EML1: variants seen among roughly 807,000 people sequenced by gnomAD.
The protein encoded by EML1 is EMAP like 1.
EML1 carries 27 observed loss-of-function variants against 110.4 expected under a neutral mutation model. That is an observed-to-expected ratio of 0.24 (90% CI 0.18 to 0.34). The LOEUF (loss-of-function observed/expected upper bound fraction) is 0.34. EML1 is among the 10% of genes least tolerant of loss of function. EML1 has a pLI of 1.00. For missense variants in EML1, 741 were observed against 1,030.9 expected, an observed-to-expected ratio of 0.72 and a Z score of 3.85; for synonymous variants, 344 against 385.8, an observed-to-expected ratio of 0.89 and a Z score of 1.27.
At chr14:99,917,531 G>A (rs1485923685) in intron 15 of EML1, among the ~76,000 whole-genome samples, 4 of 152,146 alleles carry the variant, frequency 2.6e-5, no homozygotes, top group South Asian at 4.2e-4. Context: ...TTGTACTCCA[G>A]CCTGTGCAAT....
chr14:99,855,245 C>T (rs759346007), intron 2 of EML1, among the ~76,000 whole-genome samples: 9 of 152,128 alleles, frequency 5.9e-5, no homozygotes, highest in Non-Finnish European at 1.2e-4. Flanking sequence ...AAGTAATTCA[C>T]GGGTTTTTTC....
intron 1 of EML1, among the ~76,000 whole-genome samples, chr14:99,759,036 C>T (rs2057287005): frequency 6.6e-6 from 1 of 152,190 alleles, no homozygotes; most frequent in South Asian, 2.1e-4. Flanking sequence ...TTACGGAGGC[C>T]CCAGCAGTTG....
intron 1 of EML1, among the ~76,000 whole-genome samples, chr14:99,785,120 T>C (rs2057584467): frequency 6.6e-6 from 1 of 152,286 alleles, no homozygotes; most frequent in East Asian, 1.9e-4. Flanking sequence ...AATGGCATGA[T>C]CTCGGCTCAC....
intron 9 of EML1, 48 bp downstream of exon 9, chr14:99,901,087 G>A: frequency 6.6e-7 from 1 of 1,523,102 alleles, no homozygotes; most frequent in South Asian, 1.1e-5. Context: ...ACAGGAAGTA[G>A]AGAATCAACT....
chr14:99,848,533 A>G (rs1240681732), intron 1 of EML1, among the ~76,000 whole-genome samples: 3 of 152,290 alleles, frequency 2.0e-5, no homozygotes, highest in South Asian at 2.1e-4. Context: ...AATGACATAT[A>G]CTTCATATAA....
chr14:99,740,775 CA>C (rs1405648012), intron 1 of EML1, among the ~76,000 whole-genome samples: 1 of 152,194 alleles, frequency 6.6e-6, no homozygotes, highest in East Asian at 1.9e-4. Flanking sequence ...GGGGGTTCGT[CA>C]ATTCTCTCAC....
rs371235925 is a variant in EML1, at chr14:99,850,836, T to A, written c.68-17T>A. 27 of 1,608,880 alleles carry A rather than the reference T, an allele frequency of 1.7e-5. No homozygotes were observed. In the African/African-American group the frequency reaches 2.9e-4, roughly 18 times the overall value. Reference sequence around the variant, plus strand: ...CGGGGAACACTTAAAGCTCACTTGATCCTTTCTTTGGTTTAGATGACAGCG... The same window carrying A: ...CGGGGAACACTTAAAGCTCACTTGAACCTTTCTTTGGTTTAGATGACAGCG... On this transcript the variant is annotated splice_polypyrimidine_tract_variant and intron_variant, in intron 1 of 21. Transcript: ENST00000262233.
chr14:99,810,141 G>T (rs368713724), intron 1 of EML1, among the ~76,000 whole-genome samples: 13 of 152,102 alleles, frequency 8.5e-5, no homozygotes, highest in African/African-American at 3.1e-4. Context: ...TGGCGCCCCT[G>T]GGGGAACTGC....
intron 1 of EML1, among the ~76,000 whole-genome samples, chr14:99,767,151 C>A (rs1370808770): frequency 2.0e-5 from 3 of 152,184 alleles, no homozygotes; most frequent in Non-Finnish European, 4.4e-5. Flanking sequence ...AAAAAGTGGG[C>A]TACAAATTTC....
chr14:99,760,950 G>A (rs1277157206), intron 1 of EML1, among the ~76,000 whole-genome samples: 1 of 151,810 alleles, frequency 6.6e-6, no homozygotes, highest in Non-Finnish European at 1.5e-5. Context: ...CTGAGCCACA[G>A]GCAAGCGGGG....
At chr14:99,867,872 A>G (rs1234526104) in intron 3 of EML1, among the ~76,000 whole-genome samples, 2 of 152,116 alleles carry the variant, frequency 1.3e-5, no homozygotes, top group Non-Finnish European at 2.9e-5. Flanking sequence ...TAATAGTGGC[A>G]AGAGTGGGTA....
intron 17 of EML1, 44 bp downstream of exon 17, chr14:99,920,921 T>A (rs761368636): frequency 1.9e-6 from 3 of 1,568,170 alleles, no homozygotes; most frequent in Non-Finnish European, 2.6e-6. Flanking sequence ...TTAATCAACT[T>A]TTATTTTAAG....
At chr14:99,914,439 TG>T (rs2059999574) in intron 14 of EML1, 126 bp from the exon 15 acceptor site, 3 of 1,528,572 alleles carry the variant, frequency 2.0e-6, no homozygotes, top group Non-Finnish European at 2.6e-6. Context: ...TGCTGAAAGA[TG>T]GGAGGAGAGA....
chr14:99,892,133 A>T, intron 5 of EML1: 2 of 985,340 alleles, frequency 2.0e-6, no homozygotes, highest in Non-Finnish European at 2.4e-6. Flanking sequence ...CCGTCTCTTT[A>T]TCTAGCCCTT....
chr14:99,842,466 CATT>C (rs10537285), intron 1 of EML1, among the ~76,000 whole-genome samples: 52,716 of 151,802 alleles, frequency 0.35, 9,657 homozygotes, highest in South Asian at 0.49. Flanking sequence ...TAAGAAAATC[CATT>C]ACAGGTTAAA....
chr14:99,920,987 T>C, intron 17 of EML1, 110 bp downstream of exon 17: 1 of 1,032,578 alleles, frequency 9.7e-7, no homozygotes, highest in African/African-American at 1.6e-5. Flanking sequence ...ACGTGTGCCA[T>C]GGTGGTTTAA....
At chr14:99,834,994 A>AT (rs56351381) in intron 1 of EML1, among the ~76,000 whole-genome samples, 101,217 of 151,266 alleles carry the variant, frequency 0.67, 33,923 homozygotes, top group Non-Finnish European at 0.69. Context: ...TAATTTTTGT[A>AT]TTTTTTTTGT....
chr14:99,920,958 C>T (rs2060120559), intron 17 of EML1, 81 bp downstream of exon 17: 4 of 1,338,562 alleles, frequency 3.0e-6, no homozygotes, highest in South Asian at 1.3e-5. Context: ...CAGGATGTGT[C>T]GGTTTGTTAC....
chr14:99,916,076 G>A (rs2060030412), intron 15 of EML1, among the ~76,000 whole-genome samples: 1 of 152,224 alleles, frequency 6.6e-6, no homozygotes, highest in Admixed American at 6.5e-5. Flanking sequence ...TGCCCTGGTG[G>A]TCCAGGAGGG....
Sources: gnomAD v4.1 joint callset for allele counts (sites outside exome capture counted in the v4.1 genomes callset) on GRCh38, gnomAD v4.1.1 for gene constraint, MANE v1.5 for transcripts, NCBI Gene and HGNC (gene_info 2026-07-23, HGNC 2026-07-21) for gene names.